NPAS3: variants seen among roughly 807,000 people sequenced by gnomAD.
The protein encoded by NPAS3 is neuronal PAS domain protein 3, also known as neuronal PAS domain-containing protein 3.
A neutral mutation model predicts 73.1 loss-of-function variants in NPAS3; 14 were observed. The observed-to-expected ratio is 0.19, with a 90% CI of 0.13 to 0.30. NPAS3 has a LOEUF of 0.30. Ranked by LOEUF, NPAS3 falls within the 10% of genes least tolerant of loss-of-function variation. The pLI is 1.00. For missense variants in NPAS3, 1,096 were observed against 1,250.0 expected (o/e 0.88, Z 1.86); for synonymous variants, 620 against 541.5 (o/e 1.14, Z -2.01).
chr14:33,088,733 T>G (rs1245190058), intron 2 of NPAS3, among the ~76,000 whole-genome samples: 3 of 152,118 alleles, frequency 2.0e-5, no homozygotes, highest in Non-Finnish European at 4.4e-5. Context: ...CCTCCTCAAG[T>G]GGGTCTCTGA....
intron 2 of NPAS3, among the ~76,000 whole-genome samples, chr14:33,199,471 A>G (rs1324565218): frequency 1.3e-5 from 2 of 152,176 alleles, no homozygotes; most frequent in African/African-American, 2.4e-5. Flanking sequence ...GTGTATGATT[A>G]TAAAGAGAGG....
chr14:33,131,356 A>G (rs2043627165), intron 2 of NPAS3, among the ~76,000 whole-genome samples: 1 of 152,056 alleles, frequency 6.6e-6, no homozygotes, highest in South Asian at 2.1e-4. Context: ...CCCATTTGAT[A>G]TTCTCCAAGT....
At chr14:33,158,373 C>T (rs979035232) in intron 2 of NPAS3, among the ~76,000 whole-genome samples, 4 of 152,070 alleles carry the variant, frequency 2.6e-5, no homozygotes, top group African/African-American at 4.8e-5. Context: ...GGTTTAGATG[C>T]GTATGTATTT....
At chr14:33,267,888 T>C (rs2040887346) in intron 3 of NPAS3, among the ~76,000 whole-genome samples, 1 of 152,140 alleles carries the variant, frequency 6.6e-6, no homozygotes, top group Non-Finnish European at 1.5e-5. Flanking sequence ...TCCTACATAG[T>C]GAAGAGCCAG....
intron 4 of NPAS3, among the ~76,000 whole-genome samples, chr14:33,498,664 G>T (rs1278968543): frequency 6.6e-6 from 1 of 151,390 alleles, no homozygotes; most frequent in East Asian, 2.0e-4. Context: ...ACACAGAGGG[G>T]AACATCACAT....
chr14:33,075,059 T>C (rs1442647487), intron 2 of NPAS3, among the ~76,000 whole-genome samples: 2 of 152,228 alleles, frequency 1.3e-5, no homozygotes, highest in African/African-American at 4.8e-5. Flanking sequence ...AGTAGATTTT[T>C]ATCTTTTAAA....
rs112125033 is a variant in NPAS3, at chr14:33,406,507, G to C, written c.468+39239G>C. 9.0e-3 allele frequency among the ~76,000 whole-genome samples: 1,373 copies of C among 152,184 alleles called. 15 individuals carry two copies. The highest frequency in any genetic ancestry group is 0.016 in the Non-Finnish European group (1,056 of 68,010). On this transcript the variant is annotated intron_variant, in intron 4 of 11. Transcript: ENST00000356141. ...GCATGTGTTTTATCTGTCTCTCAGG[G>C]GCATCTAACAGAAGACGGCACAGGA...
At chr14:33,532,878 A>G (rs1413058803) in intron 4 of NPAS3, among the ~76,000 whole-genome samples, 1 of 152,092 alleles carries the variant, frequency 6.6e-6, no homozygotes, top group Non-Finnish European at 1.5e-5. Context: ...TTGTTGGTTC[A>G]TTGTCCTAGA....
chr14:33,743,884 A>G (rs1177684099), intron 7 of NPAS3, among the ~76,000 whole-genome samples: 2 of 152,226 alleles, frequency 1.3e-5, no homozygotes, highest in African/African-American at 4.8e-5. Flanking sequence ...AGCCTCTGCT[A>G]GCTTCCACTG....
intron 9 of NPAS3, among the ~76,000 whole-genome samples, chr14:33,782,823 T>TAAAAAAAAA (rs199704146): frequency 1.7e-4 from 25 of 148,572 alleles, no homozygotes; most frequent in Admixed American, 1.1e-3. Flanking sequence ...TGTTTTTTTT[T>TAAAAAAAAA]AAAAAAAAGA....
chr14:33,733,336 A>G (rs1408242061), intron 6 of NPAS3, among the ~76,000 whole-genome samples: 1 of 151,920 alleles, frequency 6.6e-6, no homozygotes, highest in Admixed American at 6.6e-5. Context: ...AGGATATAGC[A>G]TCTTCAAGCT....
chr14:33,499,966 C>T (rs948669427), intron 4 of NPAS3, among the ~76,000 whole-genome samples: 3 of 151,858 alleles, frequency 2.0e-5, no homozygotes, highest in African/African-American at 7.3e-5. Flanking sequence ...GGAGTCTGAA[C>T]GGAAGAAAAT....
At chr14:33,010,767 A>AAAAT (rs896794572) in intron 1 of NPAS3, among the ~76,000 whole-genome samples, 17 of 151,780 alleles carry the variant, frequency 1.1e-4, no homozygotes, top group Non-Finnish European at 2.4e-4. Context: ...AGCCTGGGCA[A>AAAAT]AAATAAATAA....
At chr14:33,409,199 G>C (rs1032264336) in intron 4 of NPAS3, among the ~76,000 whole-genome samples, 1 of 152,194 alleles carries the variant, frequency 6.6e-6, no homozygotes, top group South Asian at 2.1e-4. Flanking sequence ...GGGGAGGGGA[G>C]TTGAGCAGCC....
intron 9 of NPAS3, among the ~76,000 whole-genome samples, chr14:33,787,918 A>C (rs191313919): frequency 1.8e-4 from 28 of 152,306 alleles, no homozygotes; most frequent in African/African-American, 6.3e-4. Context: ...CCCAGTTTTC[A>C]AAAGCCAAAG....
chr14:33,486,598 A>G (rs2051611913), intron 4 of NPAS3, among the ~76,000 whole-genome samples: 1 of 152,130 alleles, frequency 6.6e-6, no homozygotes, highest in Admixed American at 6.5e-5. Flanking sequence ...CCAAGTTTTC[A>G]GTTGAGAAGA....
intron 4 of NPAS3, among the ~76,000 whole-genome samples, chr14:33,371,904 T>C (rs1427766418): frequency 2.0e-5 from 3 of 152,150 alleles, no homozygotes; most frequent in Non-Finnish European, 4.4e-5. Flanking sequence ...CATCTTAAAA[T>C]TGAGTCAACT....
intron 4 of NPAS3, among the ~76,000 whole-genome samples, chr14:33,399,551 A>G (rs1440257069): frequency 6.6e-6 from 1 of 152,088 alleles, no homozygotes. Flanking sequence ...TGGATAGAAG[A>G]CCACTGCATG....
At chr14:33,676,161 GAGAAGCCTATATAATGTC>G in intron 5 of NPAS3, 32 bp from the exon 6 acceptor site, 3 of 1,573,276 alleles carry the variant, frequency 1.9e-6, no homozygotes, top group Non-Finnish European at 2.6e-6. Context: ...TTTGAAAATG[GAGAAGCCTATATAATGTC>G]TTTCCTTCCC....
Sources: gnomAD v4.1 joint callset for allele counts (sites outside exome capture counted in the v4.1 genomes callset) on GRCh38, gnomAD v4.1.1 for gene constraint, MANE v1.5 for transcripts, NCBI Gene and HGNC (gene_info 2026-07-23, HGNC 2026-07-21) for gene names.